Variants in CSE1L observed in about 807,000 individuals in gnomAD.
The protein encoded by CSE1L is chromosome segregation 1 like.
CSE1L carries 24 observed loss-of-function variants against 120.4 expected under a neutral mutation model. That is an observed-to-expected ratio of 0.20 (90% CI 0.14 to 0.28). The LOEUF is 0.28. Among genes scored for constraint, CSE1L ranks in the 10% least tolerant of loss-of-function variants. CSE1L has a pLI of 1.00. For missense variants in CSE1L, 830 were observed against 1,145.2 expected (o/e 0.72, Z 3.97); for synonymous variants, 402 against 398.3 (o/e 1.01, Z -0.11).
chr20:49,056,073 C>T (rs6095412), intron 1 of CSE1L, among the ~76,000 whole-genome samples: 1 of 150,736 alleles, frequency 6.6e-6, no homozygotes, highest in African/African-American at 2.4e-5. Context: ...TAAAAGCTGC[C>T]TAATGGAATC....
intron 16 of CSE1L, among the ~76,000 whole-genome samples, chr20:49,085,713 A>G (rs914483997): frequency 6.6e-6 from 1 of 151,656 alleles, no homozygotes; most frequent in African/African-American, 2.4e-5. Flanking sequence ...CTGGGATTAC[A>G]GGTGCACTCC....
chr20:49,093,876 C>A (rs1371379423), intron 22 of CSE1L, among the ~76,000 whole-genome samples: 1 of 151,176 alleles, frequency 6.6e-6, no homozygotes, highest in Admixed American at 6.6e-5. Context: ...GAGATCACAC[C>A]GTTCCACTCC....
intron 14 of CSE1L, among the ~76,000 whole-genome samples, chr20:49,082,971 C>T (rs1158187683): frequency 2.6e-5 from 4 of 152,090 alleles, no homozygotes; most frequent in Non-Finnish European, 5.9e-5. Context: ...GGGCATGCTC[C>T]ACCGTACCCA....
intron 22 of CSE1L, among the ~76,000 whole-genome samples, chr20:49,093,151 G>T (rs1271659648): frequency 6.6e-6 from 1 of 152,182 alleles, no homozygotes; most frequent in Non-Finnish European, 1.5e-5. Context: ...AATTACTCTG[G>T]AAAGGAGACC....
At chr20:49,062,336 G>T (rs2091859274) in intron 2 of CSE1L, among the ~76,000 whole-genome samples, 1 of 152,150 alleles carries the variant, frequency 6.6e-6, no homozygotes, top group African/African-American at 2.4e-5. Context: ...GGTGTTAAAT[G>T]ATACATGAAA....
chr20:49,078,615 G>T lies in CSE1L; in HGVS notation c.1475G>T (p.Arg492Ile). The T allele has an allele frequency of 6.4e-7, 1 of 1,557,928 alleles. No homozygotes were observed. Among genetic ancestry groups the T allele is most frequent in the Non-Finnish European group, 8.7e-7 (1 of 1,147,160 alleles). ...GGTATCAAATATATTATGATTTTTA[G>T]AAATCAAGTAAGTAGCTTTTTATTT... Reference protein sequence around the residue: ...ADGIKYIMIFRNQVPKEHLLV... With the variant: ...ADGIKYIMIFINQVPKEHLLV... The change falls in exon 14 of 25, where the codon AGA becomes ATA. Residue 492 changes from arginine (R) to isoleucine (I), a missense_variant. Arg to Ile is a moderately conservative substitution (Grantham distance 97). Coordinates refer to ENST00000262982, the MANE Select transcript of CSE1L (RefSeq NM_001316.4).
Position 49,083,887 on chromosome 20 carries a change from G to A in CSE1L, c.1483-139G>A. 6.2e-6 allele frequency: 5 copies of A among 809,008 alleles called. No homozygotes were observed. The East Asian group carries it at 1.1e-4, about 17-fold the overall frequency. 50.1% of individuals were successfully genotyped at this position (809,008 alleles called of 1,614,324 possible). The stretch of plus-strand genomic sequence containing the variant: ...GTGCAAGTGAAAGTTTTGGTTTCTG[G>A]GCAGCAGCATCTCCTATTATAACAG... On this transcript the variant is annotated intron_variant, in intron 14 of 24. Transcript: ENST00000262982.
intron 14 of CSE1L, among the ~76,000 whole-genome samples, chr20:49,081,754 G>GA (rs546529421): frequency 1.9e-4 from 29 of 152,004 alleles, no homozygotes; most frequent in Non-Finnish European, 2.9e-4. Flanking sequence ...ATTGTACTGA[G>GA]AAAAAAATCA....
chr20:49,061,597 G>T (rs923719404), intron 2 of CSE1L, among the ~76,000 whole-genome samples: 8 of 151,280 alleles, frequency 5.3e-5, no homozygotes, highest in Admixed American at 1.3e-4. Flanking sequence ...CCACCTCCCG[G>T]GTTCACCCCA....
intron 1 of CSE1L, among the ~76,000 whole-genome samples, chr20:49,048,392 G>A (rs998966179): frequency 3.3e-5 from 5 of 151,608 alleles, no homozygotes; most frequent in Admixed American, 1.3e-4. Context: ...TTAATCTCTG[G>A]GAATATAGTG....
chr20:49,074,708 T>A, intron 10 of CSE1L, 77 bp from the exon 11 acceptor site: 1 of 1,219,242 alleles, frequency 8.2e-7, no homozygotes, highest in Non-Finnish European at 1.2e-6. Context: ...CAGTTTTACA[T>A]ACTCTTCTGC....
At position 49,066,524 on chromosome 20, in the gene CSE1L, G is replaced by T; in HGVS notation, c.476+14G>T. 1 of 1,580,620 alleles carries T rather than the reference G, an allele frequency of 6.3e-7. No homozygotes were observed. Among genetic ancestry groups the T allele is most frequent in the Non-Finnish European group, 8.6e-7 (1 of 1,163,508 alleles). On this transcript the variant is annotated intron_variant, in intron 5 of 24. Coordinates refer to ENST00000262982, the MANE Select transcript of CSE1L (RefSeq NM_001316.4). The stretch of plus-strand genomic sequence containing the variant: ...ATTATTTAAAAGGTATTGATGCATA[G>T]ATTCATGTTTTTAAAATACTTTCTA...
Position 49,084,013 on chromosome 20 carries a change from TTG to T in CSE1L, c.1483-9_1483-8del, listed in dbSNP as rs751395389. 100 of 1,610,202 alleles carry T rather than the reference TTG, an allele frequency of 6.2e-5. No individual in the cohort carries two copies. Among genetic ancestry groups the T allele is most frequent in the Admixed American group, 2.8e-4 (17 of 59,896 alleles). ...CATTGCATTTAGAGCATGTATATTA[TTG>T]TGTTTTTTAGGTGCCAAAAGAACAT... On this transcript the variant is annotated splice_polypyrimidine_tract_variant and intron_variant, in intron 14 of 24. Coordinates refer to ENST00000262982, the MANE Select transcript of CSE1L (RefSeq NM_001316.4).
chr20:49,065,586 ATTT>A (rs1169151375), intron 3 of CSE1L, among the ~76,000 whole-genome samples: 1,473 of 76,326 alleles, frequency 0.019, 67 homozygotes, highest in Non-Finnish European at 0.028. Context: ...TAAAATGGAA[ATTT>A]TTTTTTTTTT....
At chr20:49,074,264 A>G (rs1433440050) in intron 10 of CSE1L, among the ~76,000 whole-genome samples, 1 of 135,970 alleles carries the variant, frequency 7.4e-6, no homozygotes, top group Non-Finnish European at 1.6e-5. Context: ...TAGAGATGAG[A>G]TCTCGCTGTG....
chr20:49,094,536 A>G (rs1568790494), intron 23 of CSE1L, among the ~76,000 whole-genome samples, 196 bp from the exon 24 acceptor site: 1 of 152,160 alleles, frequency 6.6e-6, no homozygotes, highest in Non-Finnish European at 1.5e-5. Flanking sequence ...CAATTTTATG[A>G]CAGAAGCCCA....
intron 14 of CSE1L, among the ~76,000 whole-genome samples, chr20:49,083,435 A>AT (rs1250391731): frequency 2.6e-5 from 4 of 151,696 alleles, no homozygotes; most frequent in African/African-American, 9.7e-5. Context: ...TTTTTATTTA[A>AT]TTTTTTCTTA....
chr20:49,064,927 G>A (rs1224135859), intron 3 of CSE1L, among the ~76,000 whole-genome samples: 3 of 151,456 alleles, frequency 2.0e-5, no homozygotes, highest in African/African-American at 4.9e-5. Context: ...GGCTCAGATG[G>A]GAGGATTGCT....
intron 1 of CSE1L, among the ~76,000 whole-genome samples, chr20:49,053,532 G>A (rs2091784987): frequency 1.3e-5 from 2 of 151,366 alleles, no homozygotes; most frequent in African/African-American, 2.4e-5. Flanking sequence ...CTAATTTTTA[G>A]TAGAGACGGG....
Sources: gnomAD v4.1 joint callset for allele counts (sites outside exome capture counted in the v4.1 genomes callset) on GRCh38, gnomAD v4.1.1 for gene constraint, MANE v1.5 for transcripts, NCBI Gene and HGNC (gene_info 2026-07-23, HGNC 2026-07-21) for gene names.